The following MAJIN variants were observed in gnomAD, a reference collection of about 807,000 sequenced individuals.
The protein encoded by MAJIN is membrane anchored junction protein.
A neutral mutation model predicts 30.2 loss-of-function variants in MAJIN; 27 were observed. The ratio of observed to expected loss-of-function variants is 0.89; its 90% CI spans 0.66 to 1.23. The LOEUF (loss-of-function observed/expected upper bound fraction) is 1.23, where lower values mean the gene tolerates loss of function less well. Among genes scored for constraint, MAJIN ranks in the 50% most tolerant of loss-of-function variants. The probability of loss-of-function intolerance (pLI) is 0.00; values close to 1 mark genes in which losing one functional copy is unlikely to be tolerated. For missense variants in MAJIN, 253 were observed against 260.3 expected (o/e 0.97, Z 0.19); for synonymous variants, 78 against 91.6 (o/e 0.85, Z 0.85).
intron 1 of MAJIN, among the ~76,000 whole-genome samples, chr11:64,963,502 A>G (rs886685380): frequency 2.0e-5 from 3 of 152,190 alleles, no homozygotes; most frequent in Non-Finnish European, 2.9e-5. Flanking sequence ...AGTCTTTCAC[A>G]GTGTTGAGAA....
chr11:64,967,111 T>TA (rs979889941), intron 1 of MAJIN, among the ~76,000 whole-genome samples: 9 of 150,416 alleles, frequency 6.0e-5, no homozygotes, highest in African/African-American at 7.4e-5. Context: ...CTGTATCATA[T>TA]AAAAAAAAGA....
At position 64,939,540 on chromosome 11, in the gene MAJIN, A is replaced by G. The variant is rs1287082633; in HGVS notation, c.*1+122T>C. On this transcript the variant is annotated intron_variant, in intron 10 of 10. Coordinates refer to ENST00000301896, the MANE Select transcript of MAJIN (RefSeq NM_001037225.3). ...TAATCTCATTTCCATCATCTATCCT[A>G]GACATAAGTGAGAAGCCTCTGTAAG... 5.0e-6 allele frequency: 4 copies of G among 793,042 alleles called. No individual in the cohort carries two copies. The Admixed American group carries it at 1.0e-4, about 20-fold the overall frequency. 49.1% of individuals were successfully genotyped at this position (793,042 alleles called of 1,614,324 possible).
chr11:64,949,642 G>A (rs2136754664), intron 6 of MAJIN, 101 bp downstream of exon 6: 1 of 1,465,030 alleles, frequency 6.8e-7, no homozygotes, highest in Non-Finnish European at 9.3e-7. Context: ...CCTGTGCACT[G>A]TATGGCTGGA....
At chr11:64,947,027 T>C (rs1196921292) in intron 8 of MAJIN, among the ~76,000 whole-genome samples, 1 of 152,206 alleles carries the variant, frequency 6.6e-6, no homozygotes, top group Non-Finnish European at 1.5e-5. Flanking sequence ...AGTTTCCCTA[T>C]GTTTTTGTAA....
rs367746476 is a variant in MAJIN at position 64,971,707 on chromosome 11, G to C, written c.-65+170C>G. 3.0e-4 allele frequency among the ~76,000 whole-genome samples: 46 copies of C among 152,274 alleles called. No individual in the cohort carries two copies. The East Asian group carries it at 6.0e-3, about 20-fold the overall frequency. ...TGCAGTGGCACGGCCTGCACCCTGGGCGAGCTTGCTGGGTGTCCCGAGAGC... is the reference window on the plus strand; with the variant it reads ...TGCAGTGGCACGGCCTGCACCCTGGCCGAGCTTGCTGGGTGTCCCGAGAGC... On this transcript the variant is annotated intron_variant, in intron 1 of 10. Transcript: ENST00000301896.
rs1317336162 is a variant in MAJIN, at chr11:64,959,473, T to G, written c.-17-51A>C. 4 of 1,486,166 alleles carry G rather than the reference T, an allele frequency of 2.7e-6. No individual in the cohort carries two copies. In the African/African-American group the frequency reaches 4.2e-5, roughly 16 times the overall value. The allele number at this position is 1,486,166 out of a possible 1,614,324, so 92.1% of individuals were successfully genotyped here. A position where few individuals can be genotyped will look rare whatever the true frequency, so the allele number is the denominator to read the frequency against. Reference sequence around the variant, plus strand: ...TAAAAAGCTAACGATTGTTCCTTATTTACAGGAAAGGGAACCTGCCCAATC... The same window carrying G: ...TAAAAAGCTAACGATTGTTCCTTATGTACAGGAAAGGGAACCTGCCCAATC... On this transcript the variant is annotated intron_variant, in intron 2 of 10. Transcript: ENST00000301896.
chr11:64,954,575 A>C lies in MAJIN; in HGVS notation c.147+182T>G, dbSNP rs780129514. ...ACATTTCAACTAGGAAAACTGAGAAAGAATACAGGCTTTAAATTCCCATGG... is the reference window on the plus strand; with the variant it reads ...ACATTTCAACTAGGAAAACTGAGAACGAATACAGGCTTTAAATTCCCATGG... On this transcript the variant is annotated intron_variant, in intron 4 of 10. Transcript: ENST00000301896. 4.1e-5 allele frequency: 29 copies of C among 712,948 alleles called. No homozygotes were observed. The African/African-American group carries it at 4.4e-4, about 11-fold the overall frequency. The allele number at this position is 712,948 out of a possible 1,614,324, so 44.2% of individuals were successfully genotyped here.
chr11:64,940,835 C>CTTTTTTTTTTTTTTTTTTTTTTTTTTTT (rs1168979344), intron 8 of MAJIN, among the ~76,000 whole-genome samples, 189 bp from the exon 9 acceptor site: 37 of 88,562 alleles, frequency 4.2e-4, no homozygotes, highest in East Asian at 8.0e-4. Flanking sequence ...TTTTTTCTTT[C>CTTTTTTTTTTTTTTTTTTTTTTTTTTTT]TTTTTTTTTT....
At chr11:64,967,223 C>T (rs1262138048) in intron 1 of MAJIN, among the ~76,000 whole-genome samples, 6 of 151,952 alleles carry the variant, frequency 3.9e-5, no homozygotes, top group African/African-American at 1.4e-4. Context: ...ACCTGGCCAA[C>T]GTGGTGAAAG....
At chr11:64,958,308 G>T (rs1469756300) in intron 3 of MAJIN, among the ~76,000 whole-genome samples, 1 of 151,940 alleles carries the variant, frequency 6.6e-6, no homozygotes, top group African/African-American at 2.4e-5. Context: ...GCTCTTTAGG[G>T]TCCTTAATAA....
At chr11:64,943,778 T>C (rs1355726224) in intron 8 of MAJIN, among the ~76,000 whole-genome samples, 1 of 152,246 alleles carries the variant, frequency 6.6e-6, no homozygotes, top group Non-Finnish European at 1.5e-5. Context: ...AATAGGAAGA[T>C]ACAAAGGGTA....
intron 6 of MAJIN, 96 bp downstream of exon 6, chr11:64,949,647 G>T: frequency 1.3e-6 from 2 of 1,483,156 alleles, no homozygotes; most frequent in Non-Finnish European, 1.8e-6. Context: ...GCACTGTATG[G>T]CTGGAGCCTA....
chr11:64,960,095 A>G lies in MAJIN; in HGVS notation c.-24T>C. 1 of 151,400 alleles carries G rather than the reference A, an allele frequency of 6.6e-6. No homozygotes were observed. The highest frequency in any genetic ancestry group is 1.9e-4 in the East Asian group (1 of 5,172). The allele number at this position is 151,400 out of a possible 1,614,324, so 9.4% of individuals were successfully genotyped here. A position where few individuals can be genotyped will look rare whatever the true frequency, so the allele number is the denominator to read the frequency against. On this transcript the variant is annotated 5_prime_UTR_variant, in exon 2 of 11. Coordinates refer to ENST00000301896, the MANE Select transcript of MAJIN (RefSeq NM_001037225.3). Reference sequence around the variant, plus strand: ...CTATACCCCTAGCACTTACTGTTTTATTTCTCCTGTTCTAGAATCTCTGTC... The same window carrying G: ...CTATACCCCTAGCACTTACTGTTTTGTTTCTCCTGTTCTAGAATCTCTGTC...
intron 1 of MAJIN, among the ~76,000 whole-genome samples, chr11:64,971,055 G>A (rs1304280054): frequency 2.0e-5 from 3 of 152,138 alleles, no homozygotes; most frequent in African/African-American, 7.2e-5. Context: ...AGCACTTTGG[G>A]ATGCCGAGGC....
chr11:64,959,327 T>C lies in MAJIN; in HGVS notation c.79A>G (p.Ile27Val), dbSNP rs765479119. 1 of 1,613,714 alleles carries C rather than the reference T, an allele frequency of 6.2e-7. No homozygotes were observed. Among genetic ancestry groups the C allele is most frequent in the East Asian group, 2.2e-5 (1 of 44,874 alleles). The change falls in exon 3 of 11, where the codon ATC becomes GTC. Residue 27 changes from isoleucine (I) to valine (V), a missense_variant. Coordinates refer to ENST00000301896, the MANE Select transcript of MAJIN (RefSeq NM_001037225.3). ...HAGPNVYKFK[I>V]RYGKSIRGEE... is the part of the protein sequence containing the mutation. ...TACCTGATACTCTTCCCATATCTGA[T>C]TTTGAATTTATACACATTGGGTCCT...
chr11:64,948,820 C>A (rs1327551274), intron 6 of MAJIN, among the ~76,000 whole-genome samples: 4 of 147,452 alleles, frequency 2.7e-5, no homozygotes. Flanking sequence ...CCACGCCTGG[C>A]TAAATTTATT....
intron 1 of MAJIN, among the ~76,000 whole-genome samples, chr11:64,970,436 G>A (rs1440917695): frequency 1.6e-5 from 2 of 121,798 alleles, no homozygotes; most frequent in Non-Finnish European, 3.2e-5. Flanking sequence ...GTGCGATCTT[G>A]GCTCACTGCA....
chr11:64,971,007 G>C (rs1454120224), intron 1 of MAJIN, among the ~76,000 whole-genome samples: 1 of 152,178 alleles, frequency 6.6e-6, no homozygotes, highest in Non-Finnish European at 1.5e-5. Flanking sequence ...TAAGAAGGTG[G>C]GGTGTGGCCG....
chr11:64,941,965 C>T (rs1346139954), intron 8 of MAJIN, among the ~76,000 whole-genome samples: 1 of 152,198 alleles, frequency 6.6e-6, no homozygotes, highest in Non-Finnish European at 1.5e-5. Flanking sequence ...GCATTAGCAA[C>T]ACAATATAAC....
Sources: allele counts gnomAD v4.1 joint callset (sites outside exome capture counted in the v4.1 genomes callset), GRCh38; gene constraint gnomAD v4.1.1; transcripts MANE v1.5; gene names NCBI Gene and HGNC (gene_info 2026-07-23, HGNC 2026-07-21).